Variants in CFAP54 observed in about 807,000 individuals in gnomAD.
CFAP54 encodes the protein cilia and flagella associated protein 54.
CFAP54 carries 290 observed loss-of-function variants against 370.4 expected under a neutral mutation model. The observed-to-expected ratio is 0.78, with a 90% CI of 0.71 to 0.86. The LOEUF (loss-of-function observed/expected upper bound fraction) is 0.86, where lower values mean the gene tolerates loss of function less well. Among genes scored for constraint, CFAP54 ranks in the 40% least tolerant of loss-of-function variants. CFAP54 has a pLI of 0.00. For synonymous variants in CFAP54, 1,206 were observed against 1,236.5 expected, an observed-to-expected ratio of 0.98 and a Z score of 0.52; for missense variants, 3,399 against 3,528.7, an observed-to-expected ratio of 0.96 and a Z score of 0.93.
At chr12:96,746,718 C>T (rs894486618) in intron 55 of CFAP54, among the ~76,000 whole-genome samples, 4 of 152,174 alleles carry the variant, frequency 2.6e-5, no homozygotes, top group African/African-American at 4.8e-5. Context: ...GGTCACACTG[C>T]ATCACTGTGA....
At chr12:96,818,752 C>G (rs1959001943) in intron 65 of CFAP54, among the ~76,000 whole-genome samples, 1 of 152,164 alleles carries the variant, frequency 6.6e-6, no homozygotes, top group African/African-American at 2.4e-5. Flanking sequence ...AAAGATAGCC[C>G]AGAAGGGGTT....
intron 21 of CFAP54, 40 bp from the exon 22 acceptor site, chr12:96,580,880 A>G: frequency 7.5e-7 from 1 of 1,327,310 alleles, no homozygotes; most frequent in Non-Finnish European, 9.9e-7. Context: ...ATGTTATTTT[A>G]ATTTTTCATG....
At chr12:96,629,694 T>C (rs187344933) in intron 30 of CFAP54, among the ~76,000 whole-genome samples, 2 of 152,254 alleles carry the variant, frequency 1.3e-5, no homozygotes, top group Admixed American at 1.3e-4. Context: ...TTTTTTATTA[T>C]TATAAACAGT....
At position 96,644,208 on chromosome 12, in the gene CFAP54, A is replaced by C; in HGVS notation, c.4347A>C (p.Ala1449=). ...GGAGAACCAGTGTTAGGAAAGCAGC[A>C]CAACGATACCTGATGGATTACTTGA... ...RNRRTSVRKA[A]QRYLMDYLNP... Residue 1449 remains alanine (A), a synonymous_variant, in exon 33 of 68, where the codon GCA becomes GCC. Coordinates refer to ENST00000524981, the MANE Select transcript of CFAP54 (RefSeq NM_001306084.2). 6.5e-7 allele frequency: 1 copy of C among 1,535,772 alleles called. No homozygotes were observed. Among genetic ancestry groups the C allele is most frequent in the Non-Finnish European group, 8.7e-7 (1 of 1,146,674 alleles).
intron 4 of CFAP54, 78 bp from the exon 5 acceptor site, chr12:96,512,908 C>A: frequency 1.1e-6 from 1 of 946,870 alleles, no homozygotes; most frequent in Non-Finnish European, 1.5e-6. Context: ...GAACTACAGA[C>A]TTGAACCACA....
chr12:96,851,853 T>G (rs1159948240), intron 66 of CFAP54, among the ~76,000 whole-genome samples: 1 of 152,070 alleles, frequency 6.6e-6, no homozygotes, highest in Non-Finnish European at 1.5e-5. Context: ...TCACTTCTAA[T>G]TAACATTGTA....
chr12:96,736,123 A>C (rs998642471), intron 50 of CFAP54, among the ~76,000 whole-genome samples: 1 of 152,192 alleles, frequency 6.6e-6, no homozygotes, highest in African/African-American at 2.4e-5. Flanking sequence ...TTTCTGATTC[A>C]TGTGAATACA....
At chr12:96,810,321 T>G (rs1958918341) in intron 63 of CFAP54, among the ~76,000 whole-genome samples, 1 of 152,152 alleles carries the variant, frequency 6.6e-6, no homozygotes, top group Non-Finnish European at 1.5e-5. Flanking sequence ...TTTTGTCTGC[T>G]TCATCTCCTC....
Position 96,598,632 on chromosome 12 carries a change from T to G in CFAP54, c.3517-13T>G, listed in dbSNP as rs1466160979. The G allele has an allele frequency of 1.7e-6, 1 of 604,558 alleles. No individual in the cohort carries two copies. The highest frequency in any genetic ancestry group is 2.6e-5 in the Admixed American group (1 of 38,284). 37.4% of individuals were successfully genotyped at this position (604,558 alleles called of 1,614,324 possible). On this transcript the variant is annotated splice_polypyrimidine_tract_variant and intron_variant, in intron 25 of 67. Transcript: ENST00000524981. The stretch of plus-strand genomic sequence containing the variant: ...CATTTTAAAACAAAAATCATTGTGA[T>G]TCTAATTTTTAGATCCTGATAAAGT...
At chr12:96,681,796 A>G (rs1957275823) in intron 40 of CFAP54, among the ~76,000 whole-genome samples, 1 of 151,948 alleles carries the variant, frequency 6.6e-6, no homozygotes, top group African/African-American at 2.4e-5. Flanking sequence ...ACGAGGTTTC[A>G]CCATGTTGGC....
chr12:96,644,834 G>A (rs529404556), intron 33 of CFAP54, among the ~76,000 whole-genome samples: 3 of 152,202 alleles, frequency 2.0e-5, no homozygotes, highest in Non-Finnish European at 2.9e-5. Flanking sequence ...TGACACGTGG[G>A]GATTATTACA....
intron 50 of CFAP54, among the ~76,000 whole-genome samples, chr12:96,734,188 A>G (rs952010582): frequency 2.6e-5 from 4 of 152,222 alleles, no homozygotes; most frequent in Admixed American, 2.6e-4. Context: ...AAATTCAGTA[A>G]CTGCTAAGAA....
chr12:96,846,747 G>A (rs772967842), intron 66 of CFAP54, among the ~76,000 whole-genome samples: 25 of 152,162 alleles, frequency 1.6e-4, no homozygotes, highest in Non-Finnish European at 3.7e-4. Context: ...AGGGTATGAA[G>A]GGCTGTGCGT....
intron 26 of CFAP54, among the ~76,000 whole-genome samples, chr12:96,619,164 T>C (rs1956457615): frequency 6.6e-6 from 1 of 152,190 alleles, no homozygotes; most frequent in African/African-American, 2.4e-5. Context: ...GCAACCAGCC[T>C]GAATGTGTTC....
At chr12:96,637,864 C>T (rs1956677769) in intron 32 of CFAP54, among the ~76,000 whole-genome samples, 1 of 152,116 alleles carries the variant, frequency 6.6e-6, no homozygotes. Flanking sequence ...TATCACCATA[C>T]CTTTTCCATG....
At chr12:96,757,733 T>C (rs1044249944) in intron 58 of CFAP54, 145 bp downstream of exon 58, 7 of 517,574 alleles carry the variant, frequency 1.4e-5, no homozygotes, top group Admixed American at 3.4e-5. Flanking sequence ...CACTTGTAAC[T>C]ATGTTACAAA....
At chr12:96,829,238 A>T in intron 66 of CFAP54, 150 bp downstream of exon 66, 1 of 469,936 alleles carries the variant, frequency 2.1e-6, no homozygotes, top group Non-Finnish European at 3.7e-6. Context: ...TTACAATAAC[A>T]CATTATTTTG....
chr12:96,536,384 C>T (rs1417027363), intron 12 of CFAP54, among the ~76,000 whole-genome samples: 1 of 152,182 alleles, frequency 6.6e-6, no homozygotes, highest in African/African-American at 2.4e-5. Flanking sequence ...TTATAGAGCA[C>T]TGTATTAACT....
intron 5 of CFAP54, among the ~76,000 whole-genome samples, chr12:96,515,718 C>CT (rs762266808): frequency 2.3e-4 from 35 of 152,006 alleles, no homozygotes; most frequent in Admixed American, 7.2e-4. Context: ...TGATGGCTAG[C>CT]TTTTGTTATT....
Sources: gnomAD v4.1 joint callset for allele counts (sites outside exome capture counted in the v4.1 genomes callset) on GRCh38, gnomAD v4.1.1 for gene constraint, MANE v1.5 for transcripts, NCBI Gene and HGNC (gene_info 2026-07-23, HGNC 2026-07-21) for gene names.